The following CNTNAP5 variants were observed in gnomAD, a reference collection of about 807,000 sequenced individuals.
The protein encoded by CNTNAP5 is contactin-associated protein-like 5.
Under a neutral mutation model 150.2 loss-of-function variants are expected in CNTNAP5, and 72 were observed. The ratio of observed to expected loss-of-function variants is 0.48; its 90% CI spans 0.40 to 0.58. The LOEUF (loss-of-function observed/expected upper bound fraction) is 0.58, where lower values mean the gene tolerates loss of function less well. Among genes scored for constraint, CNTNAP5 ranks in the 20% least tolerant of loss-of-function variants. CNTNAP5 has a pLI of 0.00. For synonymous variants in CNTNAP5, 672 were observed against 619.8 expected, an observed-to-expected ratio of 1.08 and a Z score of -1.25; for missense variants, 1,636 against 1,626.2, an observed-to-expected ratio of 1.01 and a Z score of -0.10.
chr2:124,738,371 G>A (rs1351507102), intron 13 of CNTNAP5, among the ~76,000 whole-genome samples: 1 of 152,146 alleles, frequency 6.6e-6, no homozygotes, highest in South Asian at 2.1e-4. Context: ...ATTTATAAGA[G>A]TGTCTCAAAA....
chr2:124,066,155 G>C (rs1351978048), intron 1 of CNTNAP5, among the ~76,000 whole-genome samples: 2 of 151,932 alleles, frequency 1.3e-5, no homozygotes, highest in African/African-American at 2.4e-5. Flanking sequence ...AAGAAAGTAG[G>C]GTTAATGGGT....
chr2:124,689,370 A>T (rs1392804874), intron 13 of CNTNAP5, among the ~76,000 whole-genome samples: 1 of 152,124 alleles, frequency 6.6e-6, no homozygotes, highest in Non-Finnish European at 1.5e-5. Flanking sequence ...CAATTCTTGG[A>T]TCTTGGAAGG....
chr2:124,906,401 G>GT (rs1333941166), intron 22 of CNTNAP5, among the ~76,000 whole-genome samples: 1 of 152,048 alleles, frequency 6.6e-6, no homozygotes, highest in Non-Finnish European at 1.5e-5. Context: ...CTATGGTATT[G>GT]TTTTACCCTC....
intron 1 of CNTNAP5, among the ~76,000 whole-genome samples, chr2:124,126,277 C>T (rs1573773157): frequency 6.6e-6 from 1 of 150,920 alleles, no homozygotes; most frequent in East Asian, 2.0e-4. Flanking sequence ...GTCAGAGAAG[C>T]ACCTCTATGC....
intron 12 of CNTNAP5, among the ~76,000 whole-genome samples, chr2:124,638,082 ATGTG>A (rs1262012338): frequency 1.3e-5 from 2 of 150,714 alleles, no homozygotes; most frequent in African/African-American, 2.4e-5. Flanking sequence ...GTGTGCGTGT[ATGTG>A]TGTGTGTGTG....
At chr2:124,322,438 CT>C (rs1024605838) in intron 3 of CNTNAP5, among the ~76,000 whole-genome samples, 1 of 151,988 alleles carries the variant, frequency 6.6e-6, no homozygotes, top group African/African-American at 2.4e-5. Context: ...TCTGTAGATA[CT>C]CAAGTTAACC....
intron 3 of CNTNAP5, among the ~76,000 whole-genome samples, chr2:124,334,614 G>T (rs1689426048): frequency 6.6e-6 from 1 of 152,130 alleles, no homozygotes; most frequent in African/African-American, 2.4e-5. Context: ...GAACTGAATT[G>T]GGGAAGGAAA....
chr2:124,253,236 A>G (rs1305463030), intron 3 of CNTNAP5, among the ~76,000 whole-genome samples: 1 of 151,980 alleles, frequency 6.6e-6, no homozygotes, highest in African/African-American at 2.4e-5. Flanking sequence ...TGTTTTGTTT[A>G]AAGTCTGAAT....
At chr2:124,297,424 A>T (rs1317381601) in intron 3 of CNTNAP5, among the ~76,000 whole-genome samples, 1 of 152,180 alleles carries the variant, frequency 6.6e-6, no homozygotes, top group African/African-American at 2.4e-5. Context: ...GAATTGCTTT[A>T]TCTAACTGAG....
intron 4 of CNTNAP5, among the ~76,000 whole-genome samples, chr2:124,428,889 T>TTAAAAC (rs138386747): frequency 0.24 from 35,811 of 151,912 alleles, 4,319 homozygotes; most frequent in African/African-American, 0.29. Flanking sequence ...TTTGGTACCT[T>TTAAAAC]TAAATCTGAA....
intron 13 of CNTNAP5, among the ~76,000 whole-genome samples, chr2:124,680,422 G>T (rs1679039549): frequency 6.6e-6 from 1 of 151,844 alleles, no homozygotes; most frequent in Admixed American, 6.7e-5. Flanking sequence ...GCATTCCTGT[G>T]GCTTGCCCAA....
rs1678477277 is a variant in CNTNAP5 at position 124,904,066 on chromosome 2, A to AAC, written c.3655+967_3655+968insCA. Among the ~76,000 whole-genome samples, 5 of 134,444 alleles carry AAC rather than the reference A, an allele frequency of 3.7e-5. No individual in the cohort carries two copies. In the South Asian group the frequency reaches 9.0e-4, roughly 24 times the overall value. 88.2% of individuals were successfully genotyped at this position (134,444 alleles called of 152,430 possible). On this transcript the variant is annotated intron_variant, in intron 22 of 23. Transcript: ENST00000682447. ...GAGACTCTGTTTCAAAAAAAAAAAC[A>AAC]AAAAAAAAAAAACCAAAATGTATCA...
chr2:124,117,747 A>T, intron 1 of CNTNAP5, among the ~76,000 whole-genome samples: 1 of 152,196 alleles, frequency 6.6e-6, no homozygotes, highest in East Asian at 1.9e-4. Flanking sequence ...TCACTTAATT[A>T]AATACCAATT....
intron 14 of CNTNAP5, among the ~76,000 whole-genome samples, chr2:124,751,012 G>A (rs1680715516): frequency 6.7e-6 from 1 of 148,582 alleles, no homozygotes; most frequent in South Asian, 2.1e-4. Flanking sequence ...AAAAGTAGTG[G>A]CAAAAACTGC....
intron 19 of CNTNAP5, among the ~76,000 whole-genome samples, chr2:124,828,796 A>C (rs2104678483): frequency 6.9e-6 from 1 of 145,002 alleles, no homozygotes; most frequent in African/African-American, 2.5e-5. Flanking sequence ...TCATTAAAGT[A>C]AGTTTTGTTC....
At chr2:124,718,771 G>A (rs1204084808) in intron 13 of CNTNAP5, among the ~76,000 whole-genome samples, 3 of 151,840 alleles carry the variant, frequency 2.0e-5, no homozygotes, top group South Asian at 2.1e-4. Context: ...TCGAAACCCC[G>A]TCTCTACTAA....
At chr2:124,608,930 C>A (rs1478006369) in intron 11 of CNTNAP5, among the ~76,000 whole-genome samples, 1 of 149,092 alleles carries the variant, frequency 6.7e-6, no homozygotes, top group Non-Finnish European at 1.5e-5. Context: ...GGCAACAGAG[C>A]AGACTCTACC....
intron 3 of CNTNAP5, among the ~76,000 whole-genome samples, chr2:124,264,232 T>C (rs1687540369): frequency 6.6e-6 from 1 of 152,142 alleles, no homozygotes; most frequent in Non-Finnish European, 1.5e-5. Flanking sequence ...ATTTTAACCT[T>C]GTAAATGTTT....
intron 10 of CNTNAP5, among the ~76,000 whole-genome samples, chr2:124,556,225 G>A (rs956164833): frequency 2.0e-5 from 3 of 152,136 alleles, no homozygotes; most frequent in South Asian, 4.2e-4. Context: ...TGACTCTGTC[G>A]CTTTGTACTT....
Sources: allele counts gnomAD v4.1 joint callset (sites outside exome capture counted in the v4.1 genomes callset), GRCh38; gene constraint gnomAD v4.1.1; transcripts MANE v1.5; gene names NCBI Gene and HGNC (gene_info 2026-07-23, HGNC 2026-07-21).